Variants in RGS7BP observed in about 807,000 individuals in gnomAD.
RGS7BP encodes the protein regulator of G protein signaling 7-binding protein.
In RGS7BP, 9 loss-of-function variants were observed where a neutral mutation model predicts 31.3. The observed-to-expected ratio is 0.29, with a 90% CI of 0.17 to 0.50. RGS7BP has a LOEUF of 0.50. Among genes scored for constraint, RGS7BP ranks in the 20% least tolerant of loss-of-function variants. The pLI, the probability that RGS7BP is intolerant of heterozygous loss-of-function variation, is 0.98. For synonymous variants in RGS7BP, 115 were observed against 120.1 expected (o/e 0.96, Z 0.28); for missense variants, 274 against 322.0 (o/e 0.85, Z 1.14).
intron 5 of RGS7BP, among the ~76,000 whole-genome samples, chr5:64,604,671 G>T (rs4019427): frequency 0.84 from 127,559 of 152,136 alleles, 53,733 homozygotes; most frequent in Middle Eastern, 0.92. Flanking sequence ...CCTAAGATGA[G>T]GCTGATGCAG....
chr5:64,508,715 C>T (rs937085679), intron 2 of RGS7BP, among the ~76,000 whole-genome samples: 4 of 152,166 alleles, frequency 2.6e-5, no homozygotes, highest in Non-Finnish European at 5.9e-5. Context: ...GTGCTTTGTT[C>T]AGTCTGGATA....
intron 2 of RGS7BP, among the ~76,000 whole-genome samples, chr5:64,542,991 C>A (rs1409522412): frequency 6.6e-6 from 1 of 152,054 alleles, no homozygotes; most frequent in Non-Finnish European, 1.5e-5. Context: ...TATTTATGAT[C>A]TTTTTGAGCC....
chr5:64,549,298 C>T (rs1332785450), intron 2 of RGS7BP, among the ~76,000 whole-genome samples: 1 of 152,196 alleles, frequency 6.6e-6, no homozygotes, highest in African/African-American at 2.4e-5. Flanking sequence ...GGTGACAGGT[C>T]CCAATCAAGT....
At position 64,559,429 on chromosome 5, in the gene RGS7BP, C is replaced by T. The variant is rs573190970; in HGVS notation, c.333-16345C>T. 3.3e-5 allele frequency among the ~76,000 whole-genome samples: 5 copies of T among 152,244 alleles called. No individual in the cohort carries two copies. In the South Asian group the frequency reaches 1.0e-3, roughly 32 times the overall value. Reference sequence around the variant, plus strand: ...TATTTGGGGGAACCCTATCAGGTTGCCTGCTTTAAATATCAACCTTACCAC... The same window carrying T: ...TATTTGGGGGAACCCTATCAGGTTGTCTGCTTTAAATATCAACCTTACCAC... On this transcript the variant is annotated intron_variant, in intron 2 of 5. Transcript: ENST00000334025.
At chr5:64,539,855 G>C (rs1741482752) in intron 2 of RGS7BP, 2 of 152,074 alleles carry the variant, frequency 1.3e-5, no homozygotes, top group South Asian at 4.2e-4. Context: ...ACCCTTTTGA[G>C]CTAATTTTTG....
chr5:64,551,558 C>T (rs968366728), intron 2 of RGS7BP, among the ~76,000 whole-genome samples: 1 of 151,658 alleles, frequency 6.6e-6, no homozygotes, highest in Non-Finnish European at 1.5e-5. Context: ...TGGGAGTCAC[C>T]CTATATTAAG....
At chr5:64,509,484 C>A (rs1215248576) in intron 2 of RGS7BP, among the ~76,000 whole-genome samples, 2 of 152,104 alleles carry the variant, frequency 1.3e-5, no homozygotes, top group African/African-American at 4.8e-5. Flanking sequence ...AATTCAGGGT[C>A]TTCTGAAGGT....
At chr5:64,546,478 G>C (rs897981442) in intron 2 of RGS7BP, among the ~76,000 whole-genome samples, 1 of 152,118 alleles carries the variant, frequency 6.6e-6, no homozygotes, top group African/African-American at 2.4e-5. Flanking sequence ...TGATAAAATA[G>C]CCGAAAACAG....
At chr5:64,552,073 C>T (rs1741807523) in intron 2 of RGS7BP, among the ~76,000 whole-genome samples, 1 of 152,092 alleles carries the variant, frequency 6.6e-6, no homozygotes, top group African/African-American at 2.4e-5. Flanking sequence ...GGCATCTCTT[C>T]ACTTTTTATC....
At chr5:64,594,011 G>A (rs1214677021) in intron 3 of RGS7BP, among the ~76,000 whole-genome samples, 1 of 152,144 alleles carries the variant, frequency 6.6e-6, no homozygotes, top group Non-Finnish European at 1.5e-5. Flanking sequence ...AGAAAGTACT[G>A]ATTTATTCAG....
chr5:64,515,710 A>G (rs935463422), intron 2 of RGS7BP, among the ~76,000 whole-genome samples: 1 of 139,526 alleles, frequency 7.2e-6, no homozygotes, highest in African/African-American at 2.6e-5. Context: ...GCCTATATGC[A>G]TACACACACA....
At chr5:64,542,846 A>C (rs887271134) in intron 2 of RGS7BP, among the ~76,000 whole-genome samples, 1 of 152,248 alleles carries the variant, frequency 6.6e-6, no homozygotes, top group Non-Finnish European at 1.5e-5. Flanking sequence ...GTTATTAAGT[A>C]CATGATGCTT....
chr5:64,599,573 C>T (rs1743167506), intron 5 of RGS7BP, among the ~76,000 whole-genome samples: 4 of 152,206 alleles, frequency 2.6e-5, no homozygotes. Flanking sequence ...GGCCACAGCA[C>T]ATCAGATAGC....
At chr5:64,607,014 C>T (rs372438225) in intron 5 of RGS7BP, among the ~76,000 whole-genome samples, 2 of 152,010 alleles carry the variant, frequency 1.3e-5, no homozygotes, top group South Asian at 2.1e-4. Context: ...ATATGCCCAG[C>T]GGAGGCACCT....
chr5:64,517,016 GAAAAAAAAAA>G (rs58172150), intron 2 of RGS7BP, among the ~76,000 whole-genome samples: 1 of 77,010 alleles, frequency 1.3e-5, no homozygotes, highest in Non-Finnish European at 2.9e-5. Flanking sequence ...TTCTCGCCCA[GAAAAAAAAAA>G]AAAAAAAAAG....
intron 2 of RGS7BP, among the ~76,000 whole-genome samples, chr5:64,568,385 C>T (rs1235358392): frequency 1.3e-5 from 2 of 151,996 alleles, no homozygotes; most frequent in Non-Finnish European, 2.9e-5. Context: ...AATGGAGAGG[C>T]CAAGAGACTC....
At chr5:64,606,293 C>T (rs1247903498) in intron 5 of RGS7BP, among the ~76,000 whole-genome samples, 1 of 137,988 alleles carries the variant, frequency 7.2e-6, no homozygotes, top group African/African-American at 2.7e-5. Flanking sequence ...GTAAATACAA[C>T]ATTGTGGTAG....
In RGS7BP at chr5:64,573,907, A is replaced by G. The variant is rs1296417102; in HGVS notation, c.333-1867A>G. ...TCAAAACATCACACTATATACCATAATATGTACAATTATTATGTGTCCATT... is the reference window on the plus strand; with the variant it reads ...TCAAAACATCACACTATATACCATAGTATGTACAATTATTATGTGTCCATT... On this transcript the variant is annotated intron_variant, in intron 2 of 5. Coordinates refer to ENST00000334025, the MANE Select transcript of RGS7BP (RefSeq NM_001029875.3). Among the ~76,000 whole-genome samples the G allele has an allele frequency of 3.9e-5, 6 of 152,198 alleles. No individual in the cohort carries two copies. The East Asian group carries it at 1.2e-3, about 29-fold the overall frequency.
At chr5:64,538,546 C>CTTTTTTTTTTTTTTTTTTTTTTTTT (rs1191560944) in intron 2 of RGS7BP, among the ~76,000 whole-genome samples, 4 of 40,026 alleles carry the variant, frequency 1.0e-4, no homozygotes, top group South Asian at 1.4e-3. Flanking sequence ...TTTTCCTTTT[C>CTTTTTTTTTTTTTTTTTTTTTTTTT]TTTTTTTTTT....
Sources: gnomAD v4.1 joint callset for allele counts (sites outside exome capture counted in the v4.1 genomes callset) on GRCh38, gnomAD v4.1.1 for gene constraint, MANE v1.5 for transcripts, NCBI Gene and HGNC (gene_info 2026-07-23, HGNC 2026-07-21) for gene names.